Variants in SASH1 observed in about 807,000 individuals in gnomAD.
The protein encoded by SASH1 is SAM and SH3 domain-containing protein 1.
A neutral mutation model predicts 125.2 loss-of-function variants in SASH1; 44 were observed. The ratio of observed to expected loss-of-function variants is 0.35; its 90% CI spans 0.28 to 0.45. The LOEUF (loss-of-function observed/expected upper bound fraction) is 0.45. Ranked by LOEUF, SASH1 falls within the 20% of genes least tolerant of loss-of-function variation. The pLI, the probability that SASH1 is intolerant of heterozygous loss-of-function variation, is 1.00. For synonymous variants in SASH1, 639 were observed against 649.1 expected (o/e 0.98, Z 0.24); for missense variants, 1,426 against 1,614.5 (o/e 0.88, Z 2.00).
At chr6:148,520,601 G>C (rs1357074422) in intron 10 of SASH1, among the ~76,000 whole-genome samples, 1 of 152,074 alleles carries the variant, frequency 6.6e-6, no homozygotes, top group African/African-American at 2.4e-5. Flanking sequence ...GAAGCTGTTT[G>C]AGTGCCCATT....
At chr6:148,210,498 A>T in the SASH1 span, among the ~76,000 whole-genome samples, 1 of 152,174 alleles carries the variant, frequency 6.6e-6, no homozygotes. Flanking sequence ...GCGCCATTGC[A>T]CTCCAGCCTG....
At chr6:148,545,810 T>C (rs1466061946) in intron 18 of SASH1, among the ~76,000 whole-genome samples, 1 of 152,274 alleles carries the variant, frequency 6.6e-6, no homozygotes, top group Non-Finnish European at 1.5e-5. Flanking sequence ...GTGTGGTGGC[T>C]TACGCCTGGA....
At chr6:148,507,246 G>C (rs1779849408) in intron 8 of SASH1, among the ~76,000 whole-genome samples, 1 of 152,166 alleles carries the variant, frequency 6.6e-6, no homozygotes, top group African/African-American at 2.4e-5. Context: ...AAGAAGAGCA[G>C]GACAAGAGCC....
chr6:148,404,572 G>A (rs899341012), intron 2 of SASH1, among the ~76,000 whole-genome samples: 1 of 15,454 alleles, frequency 6.5e-5, no homozygotes, highest in Non-Finnish European at 1.2e-4. Flanking sequence ...TCCCTGCTCC[G>A]CCCCAACCCC....
chr6:148,391,111 T>C (rs1783698908), intron 2 of SASH1, among the ~76,000 whole-genome samples: 1 of 151,530 alleles, frequency 6.6e-6, no homozygotes, highest in Non-Finnish European at 1.5e-5. Context: ...CTAAAGACAC[T>C]CTTTTTTTTT....
intron 15 of SASH1, among the ~76,000 whole-genome samples, chr6:148,534,335 T>G (rs896344521): frequency 6.6e-6 from 1 of 152,182 alleles, no homozygotes; most frequent in Non-Finnish European, 1.5e-5. Context: ...AGGCATCTAC[T>G]AGCATGAGTC....
rs1257269602 is a variant in SASH1, at chr6:148,387,632, CT to C, written c.157-2499del. ...TCTTTCTTTCTTTCTTTCTTTCTTT[CT>C]TTCTTTCTTTCTTTCTTTCTTTCTT... On this transcript the variant is annotated intron_variant, in intron 1 of 19. Transcript: ENST00000367467. 7.5e-4 allele frequency among the ~76,000 whole-genome samples: 28 copies of C among 37,284 alleles called. 1 individual carries two copies. Among genetic ancestry groups the C allele is most frequent in the African/African-American group, 2.4e-3 (27 of 11,128 alleles). The allele number at this position is 37,284 out of a possible 152,430, so 24.5% of individuals were successfully genotyped here.
chr6:148,233,742 CAAAAA>C, the SASH1 span, among the ~76,000 whole-genome samples: 10 of 60,534 alleles, frequency 1.7e-4, no homozygotes, highest in South Asian at 1.4e-3. Flanking sequence ...TTCCTCTCTA[CAAAAA>C]AAAAAAAAAA....
chr6:148,450,898 G>C (rs1437590153), intron 4 of SASH1, among the ~76,000 whole-genome samples: 1 of 152,154 alleles, frequency 6.6e-6, no homozygotes, highest in East Asian at 1.9e-4. Flanking sequence ...TCTTGGGCAA[G>C]CCACTTGACC....
chr6:148,463,516 C>T (rs4897014), intron 4 of SASH1, among the ~76,000 whole-genome samples: 6,984 of 152,234 alleles, frequency 0.046, 259 homozygotes, highest in South Asian at 0.14. Flanking sequence ...GCCTTCTTTT[C>T]CTTCTCCCAC....
Position 148,343,164 on chromosome 6 carries a change from C to T in SASH1, c.97C>T (p.Pro33Ser), listed in dbSNP as rs772087841. The T allele has an allele frequency of 2.5e-6, 4 of 1,600,268 alleles. No homozygotes were observed. The highest frequency in any genetic ancestry group is 2.2e-5 in the East Asian group (1 of 44,776). ...PAPEPEPEPK[P>S]GAGTSEAFSR... ...GCCGGAGCCGGAACCGGAGCCCAAG[C>T]CGGGTGCTGGCACATCCGAGGCGTT... is the stretch of plus-strand genomic sequence containing the variant. The change falls in exon 1 of 20, where the codon CCG (proline) becomes TCG (serine). Residue 33 changes from proline to serine, a missense_variant. This residue lies in a region of SASH1 where 567 missense variants were observed against 575.6 expected (regional missense o/e 0.99). Transcript: ENST00000367467.
chr6:148,393,599 G>A (rs565062379), intron 2 of SASH1: 1 of 640,282 alleles, frequency 1.6e-6, no homozygotes, highest in Non-Finnish European at 1.9e-6. Context: ...TCTGCCCATC[G>A]GTGGGATTTA....
At chr6:148,259,565 C>A in the SASH1 span, among the ~76,000 whole-genome samples, 1 of 152,198 alleles carries the variant, frequency 6.6e-6, no homozygotes, top group South Asian at 2.1e-4. Flanking sequence ...CGCTGCCTGT[C>A]GCTGGGTGCC....
chr6:148,241,304 G>A, the SASH1 span, among the ~76,000 whole-genome samples: 1 of 152,204 alleles, frequency 6.6e-6, no homozygotes, highest in Non-Finnish European at 1.5e-5. Context: ...CCCTGAGCAA[G>A]TCACTCAGCC....
Position 148,533,915 on chromosome 6 carries a change from C to T in SASH1, c.1879C>T (p.Arg627Cys), listed in dbSNP as rs181967135. The T allele has an allele frequency of 4.2e-5, 67 of 1,614,000 alleles. No individual in the cohort carries two copies. In the East Asian group the frequency reaches 1.1e-3, roughly 26 times the overall value. Residue 627 changes from arginine (R) to cysteine (C), a missense_variant, in exon 15 of 20, where the codon CGT becomes TGT. Coordinates refer to ENST00000367467, the MANE Select transcript of SASH1 (RefSeq NM_015278.5). The surrounding 1 kb of genome is among the most constrained non-coding windows in gnomAD (Gnocchi z 6.2). ...GAAACCCAAACGCCCCACCAGGAGGCGTCGGAAAGGACGACCACCCCAGCC... is the reference window on the plus strand; with the variant it reads ...GAAACCCAAACGCCCCACCAGGAGGTGTCGGAAAGGACGACCACCCCAGCC... ...EEKPKRPTRR[R>C]RKGRPPQPKS...
At chr6:148,473,361 C>G (rs775541975) in intron 6 of SASH1, among the ~76,000 whole-genome samples, 7 of 132,570 alleles carry the variant, frequency 5.3e-5, no homozygotes, top group Non-Finnish European at 9.0e-5. Flanking sequence ...CAAAGCAATT[C>G]TCCTGCTTCA....
intron 1 of SASH1, among the ~76,000 whole-genome samples, chr6:148,308,237 A>T: frequency 6.6e-6 from 1 of 151,838 alleles, no homozygotes; most frequent in Non-Finnish European, 1.5e-5. Context: ...AAAATTTAAT[A>T]ATGGTGTTTT....
intron 1 of SASH1, among the ~76,000 whole-genome samples, chr6:148,386,594 G>A (rs962537743): frequency 3.9e-5 from 6 of 152,200 alleles, no homozygotes; most frequent in African/African-American, 1.2e-4. Context: ...GGGAGACATG[G>A]ACTTTCTATT....
At position 148,390,165 on chromosome 6, in the gene SASH1, C is replaced by T. The variant is rs117534985; in HGVS notation, c.188C>T (p.Ala63Val). The T allele has an allele frequency of 1.9e-4, 308 of 1,613,540 alleles. 1 individual carries two copies. In the East Asian group the frequency reaches 4.9e-3, roughly 26 times the overall value. Residue 63 changes from alanine (A) to valine (V), a missense_variant, in exon 2 of 20, where the codon GCG becomes GTG. Physicochemically the swap from Ala to Val is moderately conservative, Grantham distance 64 (BLOSUM62 0). This residue lies in a region of SASH1 where 567 missense variants were observed against 575.6 expected (regional missense o/e 0.99). Transcript: ENST00000367467. ...TCACTGGGAAACATCGATGACCTGG[C>T]GCAGCAGTATGCAGATTATTACAAC... ...DGSLGNIDDL[A>V]QQYADYYNTC...
Sources: allele counts gnomAD v4.1 joint callset (sites outside exome capture counted in the v4.1 genomes callset), GRCh38; gene constraint gnomAD v4.1.1; regional missense constraint gnomAD v4.1.1; non-coding constraint Gnocchi (gnomAD v3.1); transcripts MANE v1.5; gene names NCBI Gene and HGNC (gene_info 2026-07-23, HGNC 2026-07-21).